Variants in EPHA8 observed in about 807,000 individuals in gnomAD.
The protein encoded by EPHA8 is EPH receptor A8, also known as ephrin type-A receptor 8.
EPHA8 carries 58 observed loss-of-function variants against 103.6 expected under a neutral mutation model. The observed-to-expected ratio is 0.56, with a 90% CI of 0.45 to 0.70. EPHA8 has a LOEUF of 0.70. Ranked by LOEUF, EPHA8 falls within the 30% of genes least tolerant of loss-of-function variation. The probability of loss-of-function intolerance (pLI) is 0.00; values close to 1 mark genes in which losing one functional copy is unlikely to be tolerated. For synonymous variants in EPHA8, 559 were observed against 572.5 expected, an observed-to-expected ratio of 0.98 and a Z score of 0.34; for missense variants, 1,304 against 1,395.2, an observed-to-expected ratio of 0.93 and a Z score of 1.04.
rs1214918179 is a variant in EPHA8, at chr1:22,601,639, C to T, written c.2916C>T (p.Ala972=). Residue 972 remains alanine, a synonymous_variant, in exon 17 of 17, where the codon GCC becomes GCT. Transcript: ENST00000166244. ...CCTTCCTTCACAGGGACGTGCGCGC[C>T]CTGGGCATCACCCTCATGGGCCACC... ...VLRMNAQDVR[A]LGITLMGHQK... 1.3e-6 allele frequency: 2 copies of T among 1,593,112 alleles called. No homozygotes were observed. The highest frequency in any genetic ancestry group is 1.7e-6 in the Non-Finnish European group (2 of 1,170,236).
At position 22,601,770 on chromosome 1, in the gene EPHA8, C is replaced by G; in HGVS notation, c.*29C>G. 6.5e-7 allele frequency: 1 copy of G among 1,543,576 alleles called. No individual in the cohort carries two copies. On this transcript the variant is annotated 3_prime_UTR_variant, in exon 17 of 17. Transcript: ENST00000166244. ...ACAGCCAGCAGGGCCCAGGCAGCCA[C>G]CAAGCCCACCCCAGGTCATGCCAGC...
chr1:22,577,148 G>A (rs1430158883), intron 3 of EPHA8, among the ~76,000 whole-genome samples: 1 of 152,196 alleles, frequency 6.6e-6, no homozygotes, highest in African/African-American at 2.4e-5. Flanking sequence ...TCTGTGGGAG[G>A]TACAGCTAAA....
Position 22,598,771 on chromosome 1 carries a change from G to C in EPHA8, c.2179-67G>C. On this transcript the variant is annotated intron_variant, in intron 12 of 16. Transcript: ENST00000166244. The surrounding 1 kb of genome is among the most constrained non-coding windows in gnomAD (Gnocchi z 5.1). Reference sequence around the variant, plus strand: ...CTCGAGAGCATCCTACAGATGGGAGGTGTTCCTGTTCACGGACCAGGCGCC... The same window carrying C: ...CTCGAGAGCATCCTACAGATGGGAGCTGTTCCTGTTCACGGACCAGGCGCC... 6.6e-7 allele frequency: 1 copy of C among 1,510,324 alleles called. No individual in the cohort carries two copies. The highest frequency in any genetic ancestry group is 9.1e-7 in the Non-Finnish European group (1 of 1,101,562). The allele number at this position is 1,510,324 out of a possible 1,614,324, so 93.6% of individuals were successfully genotyped here. A position where few individuals can be genotyped will look rare whatever the true frequency, so the allele number is the denominator to read the frequency against.
intron 3 of EPHA8, among the ~76,000 whole-genome samples, chr1:22,585,786 G>A (rs1401540248): frequency 5.3e-5 from 8 of 152,180 alleles, no homozygotes; most frequent in Admixed American, 5.2e-4. Flanking sequence ...TGTGGGCCTG[G>A]GAGGGGAGAA....
At chr1:22,593,289 C>A in intron 5 of EPHA8, 37 bp from the exon 6 acceptor site, 2 of 1,542,270 alleles carry the variant, frequency 1.3e-6, no homozygotes, top group South Asian at 2.4e-5. Context: ...CACGCCTTGT[C>A]TCCCCTCCGC....
chr1:22,575,577 C>T (rs988806673), intron 2 of EPHA8, among the ~76,000 whole-genome samples: 6 of 152,150 alleles, frequency 3.9e-5, no homozygotes, highest in East Asian at 1.9e-4. Context: ...TGGTTTATTT[C>T]GGAATCACTG....
At position 22,593,631 on chromosome 1, in the gene EPHA8, C is replaced by A. The variant is rs745958856; in HGVS notation, c.1548C>A (p.Thr516=). 1 of 1,608,086 alleles carries A rather than the reference C, an allele frequency of 6.2e-7. No individual in the cohort carries two copies. Among genetic ancestry groups the A allele is most frequent in the Non-Finnish European group, 8.5e-7 (1 of 1,177,720 alleles). ...TRYVFQVRAR[T]SAGCGRFSQA... is the part of the protein sequence containing the mutation. ...ACGTGTTCCAGGTCCGAGCCCGCACCTCAGCAGGCTGTGGCCGCTTCAGCC... is the reference window on the plus strand; with the variant it reads ...ACGTGTTCCAGGTCCGAGCCCGCACATCAGCAGGCTGTGGCCGCTTCAGCC... Residue 516 remains threonine, a synonymous_variant, in exon 7 of 17, where the codon ACC becomes ACA. Coordinates refer to ENST00000166244, the MANE Select transcript of EPHA8 (RefSeq NM_020526.5).
At chr1:22,572,126 C>G (rs1270216108) in intron 2 of EPHA8, among the ~76,000 whole-genome samples, 1 of 152,232 alleles carries the variant, frequency 6.6e-6, no homozygotes, top group East Asian at 1.9e-4. Context: ...ATCCACCCCT[C>G]TGACTCTGGA....
intron 4 of EPHA8, among the ~76,000 whole-genome samples, chr1:22,587,275 G>A (rs1641242163): frequency 6.6e-6 from 1 of 152,212 alleles, no homozygotes; most frequent in Admixed American, 6.5e-5. Context: ...TAAAGGATTC[G>A]TCACATATAT....
intron 2 of EPHA8, among the ~76,000 whole-genome samples, chr1:22,570,769 T>TGA (rs1640521813): frequency 6.6e-6 from 1 of 152,196 alleles, no homozygotes; most frequent in Non-Finnish European, 1.5e-5. Flanking sequence ...GAGGAAGCCC[T>TGA]CGTCACCTGA....
At chr1:22,582,789 C>T (rs1056246598) in intron 3 of EPHA8, among the ~76,000 whole-genome samples, 2 of 152,322 alleles carry the variant, frequency 1.3e-5, no homozygotes, top group South Asian at 4.1e-4. Context: ...GGCCTCTCAG[C>T]GCATCACCCA....
rs1641293298 is a variant in EPHA8 at position 22,588,924 on chromosome 1, A to T, written c.1033A>T (p.Thr345Ser). Reference sequence around the variant, plus strand: ...CTCCAGTGTGAATGGGACATCAGTGACTCTGGAGTGGGCCCCTCCCCTGGA... The same window carrying T: ...CTCCAGTGTGAATGGGACATCAGTGTCTCTGGAGTGGGCCCCTCCCCTGGA... The part of the protein sequence containing the change: ...LISSVNGTSV[T>S]LEWAPPLDPG... Residue 345 changes from threonine to serine, a missense_variant, in exon 5 of 17, where the codon ACT (threonine) becomes TCT (serine). Coordinates refer to ENST00000166244, the MANE Select transcript of EPHA8 (RefSeq NM_020526.5). 1 of 1,609,480 alleles carries T rather than the reference A, an allele frequency of 6.2e-7. No individual in the cohort carries two copies. The highest frequency in any genetic ancestry group is 1.3e-5 in the African/African-American group (1 of 74,902).
At chr1:22,591,038 C>A (rs1489321710) in intron 5 of EPHA8, among the ~76,000 whole-genome samples, 4 of 151,800 alleles carry the variant, frequency 2.6e-5, no homozygotes, top group Admixed American at 2.0e-4. Flanking sequence ...CCACAGGAGA[C>A]CCCTCTTGCC....
Position 22,601,274 on chromosome 1 carries a change from A to C in EPHA8, c.2730-26A>C, listed in dbSNP as rs202206767. 3.7e-5 allele frequency: 58 copies of C among 1,582,006 alleles called. No individual in the cohort carries two copies. In the Admixed American group the frequency reaches 5.0e-4, roughly 14 times the overall value. On this transcript the variant is annotated intron_variant, in intron 15 of 16. Coordinates refer to ENST00000166244, the MANE Select transcript of EPHA8 (RefSeq NM_020526.5). ...GTCCAGCCTCCCGAACCCTCTGGCC[A>C]CTTACCAAGAGCCCCTGTGCCTCAG...
In EPHA8 at chr1:22,600,898, G is replaced by T; in HGVS notation, c.2539G>T (p.Val847Phe). ...TGAGCCCAGCGCTGATCCCCTGCAG[G>T]TCATCAGCTCTGTGGAGGAGGGGTA... The part of the protein sequence containing the change: ...RPYWNMTNRD[V>F]ISSVEEGYRL... Residue 847 changes from valine (V) to phenylalanine (F), a missense_variant and splice_region_variant, in exon 15 of 17, where the codon GTC (valine) becomes TTC (phenylalanine). By Grantham distance (50) the Val-to-Phe change is conservative. Transcript: ENST00000166244. 6.2e-7 allele frequency: 1 copy of T among 1,603,666 alleles called. No individual in the cohort carries two copies. Among genetic ancestry groups the T allele is most frequent in the Non-Finnish European group, 8.5e-7 (1 of 1,174,392 alleles).
rs117133640 is a variant in EPHA8, at chr1:22,572,201, G to A, written c.159+2848G>A. On this transcript the variant is annotated intron_variant, in intron 2 of 16. Transcript: ENST00000166244. ...GTCTCCAGCCTCAGAAATGTTACCC[G>A]ATTATCAGACAGGTGCAGAGCCTGA... is the stretch of plus-strand genomic sequence containing the variant. 1.1e-3 allele frequency among the ~76,000 whole-genome samples: 163 copies of A among 152,288 alleles called. 3 individuals carry two copies. In the East Asian group the frequency reaches 0.025, roughly 23 times the overall value.
intron 2 of EPHA8, among the ~76,000 whole-genome samples, chr1:22,573,756 G>A (rs1169752060): frequency 1.3e-5 from 2 of 152,170 alleles, no homozygotes; most frequent in Admixed American, 6.5e-5. Context: ...CTCAGCAGCC[G>A]AGGAAGCTAG....
rs779533729 is a variant in EPHA8 at position 22,586,662 on chromosome 1, C to T, written c.979+27C>T. 8 of 1,609,036 alleles carry T rather than the reference C, an allele frequency of 5.0e-6. No individual in the cohort carries two copies. In the East Asian group the frequency reaches 1.1e-4, roughly 22 times the overall value. On this transcript the variant is annotated intron_variant, in intron 4 of 16. Transcript: ENST00000166244. ...TGAGTACCACTCCGAGATGCCAGTA[C>T]CCTTGAGCCCAAGACTGGGCCGGGC...
intron 16 of EPHA8, 25 bp from the exon 17 acceptor site, chr1:22,601,602 G>A: frequency 1.9e-6 from 3 of 1,582,870 alleles, no homozygotes; most frequent in Non-Finnish European, 2.6e-6. Flanking sequence ...AGGCCCAGCT[G>A]GCCAGCAGCA....
Sources: gnomAD v4.1 joint callset for allele counts (sites outside exome capture counted in the v4.1 genomes callset) on GRCh38, gnomAD v4.1.1 for gene constraint, Gnocchi (gnomAD v3.1) non-coding constraint, MANE v1.5 for transcripts, NCBI Gene and HGNC (gene_info 2026-07-23, HGNC 2026-07-21) for gene names.